Variants in TRPM8 observed in about 807,000 individuals in gnomAD.
TRPM8 encodes TRPM8 cationic channel.
Under a neutral mutation model 133.7 loss-of-function variants are expected in TRPM8, and 110 were observed. The ratio of observed to expected loss-of-function variants is 0.82; its 90% CI spans 0.70 to 0.96. The LOEUF is 0.96. TRPM8 is among the 40% of genes least tolerant of loss of function. TRPM8 has a pLI of 0.00. For synonymous variants in TRPM8, 535 were observed against 532.3 expected (o/e 1.01, Z -0.07); for missense variants, 1,291 against 1,379.5 (o/e 0.94, Z 1.02).
chr2:233,919,016 G>A (rs6741751), intron 1 of TRPM8, among the ~76,000 whole-genome samples: 11,798 of 151,780 alleles, frequency 0.078, 583 homozygotes, highest in Middle Eastern at 0.15. Context: ...GTGTGCAAAG[G>A]AAAACATCTT....
At chr2:233,970,502 A>G in intron 17 of TRPM8, 76 bp downstream of exon 17, 1 of 1,407,614 alleles carries the variant, frequency 7.1e-7, no homozygotes, top group East Asian at 2.3e-5. Flanking sequence ...GAGGAATAGA[A>G]GTTGCTTCTG....
intron 21 of TRPM8, among the ~76,000 whole-genome samples, chr2:233,992,957 C>G (rs1023827661): frequency 3.3e-5 from 5 of 152,146 alleles, no homozygotes; most frequent in Admixed American, 6.5e-5. Context: ...TTTAGGAAAG[C>G]AGGTGGAAGC....
In TRPM8 at chr2:233,961,085, G is replaced by T. The variant is rs559708642; in HGVS notation, c.1653+19G>T. 5.0e-6 allele frequency: 8 copies of T among 1,605,636 alleles called. 1 individual carries two copies. In the South Asian group the frequency reaches 8.9e-5, roughly 18 times the overall value. On this transcript the variant is annotated intron_variant, in intron 12 of 25. Transcript: ENST00000324695. ...ACTCCACGTAGGTACTGGGAGAGTT[G>T]CCTGCTTGAGTTCTCGGATATTTTG... is the stretch of plus-strand genomic sequence containing the variant.
In TRPM8 at chr2:233,953,976, G is replaced by T; in HGVS notation, c.1200G>T (p.Gly400=). The T allele has an allele frequency of 1.2e-6, 2 of 1,613,906 alleles. No homozygotes were observed. Among genetic ancestry groups the T allele is most frequent in the South Asian group, 1.1e-5 (1 of 90,998 alleles). Residue 400 remains glycine, a synonymous_variant, in exon 10 of 26, where the codon GGG becomes GGT. Coordinates refer to ENST00000324695, the MANE Select transcript of TRPM8 (RefSeq NM_024080.5). ...CAGTTATTAAAATGGAAGAAGCTGGGGATGAAATTGTGAGCAATGCCATCT... is the reference window on the plus strand; with the variant it reads ...CAGTTATTAAAATGGAAGAAGCTGGTGATGAAATTGTGAGCAATGCCATCT... ...LLTVIKMEEA[G]DEIVSNAISY...
intron 21 of TRPM8, among the ~76,000 whole-genome samples, chr2:233,991,320 G>A (rs1328876654): frequency 6.6e-6 from 1 of 152,188 alleles, no homozygotes; most frequent in East Asian, 1.9e-4. Context: ...TCCAAAATCA[G>A]TGTGATCCAA....
chr2:233,974,278 G>A (rs933565567), intron 17 of TRPM8, among the ~76,000 whole-genome samples: 1 of 151,944 alleles, frequency 6.6e-6, no homozygotes, highest in Non-Finnish European at 1.5e-5. Context: ...CTGTTGCCCG[G>A]GCTGGAGTGC....
chr2:233,964,650 C>T lies in TRPM8; in HGVS notation c.1772C>T (p.Ala591Val). The change falls in exon 14 of 26, where the codon GCC becomes GTC. Residue 591 changes from alanine to valine, a missense_variant. Physicochemically the swap from Ala to Val is moderately conservative, Grantham distance 64 (BLOSUM62 0). Around this residue, in one of 2 missense-constraint regions of TRPM8, gnomAD observed 963 missense variants for 968.9 expected, o/e 0.99. Coordinates refer to ENST00000324695, the MANE Select transcript of TRPM8 (RefSeq NM_024080.5). ...AAGACCAGGGGCTGCACTCTGGCAG[C>T]CCTGGGAGCCAGCAAGCTTCTGAAG... ...WEQTRGCTLA[A>V]LGASKLLKTL... 11 of 1,609,150 alleles carry T rather than the reference C, an allele frequency of 6.8e-6. No individual in the cohort carries two copies. Among genetic ancestry groups the T allele is most frequent in the Non-Finnish European group, 8.5e-6 (10 of 1,176,602 alleles).
At position 233,945,883 on chromosome 2, in the gene TRPM8, G is replaced by A. The variant is rs764579874; in HGVS notation, c.727G>A (p.Asp243Asn). 5 of 1,613,948 alleles carry A rather than the reference G, an allele frequency of 3.1e-6. No homozygotes were observed. The highest frequency in any genetic ancestry group is 2.2e-5 in the South Asian group (2 of 91,052). Residue 243 changes from aspartate (D) to asparagine (N), a missense_variant, in exon 7 of 26, where the codon GAT becomes AAT. Physicochemically the swap from Asp to Asn is conservative, Grantham distance 23. Around this residue, in one of 2 missense-constraint regions of TRPM8, gnomAD observed 963 missense variants for 968.9 expected, o/e 0.99. Transcript: ENST00000324695. ...EGYFLAQYLMDDFTRDPLYIL... is the reference protein window; with the variant it reads ...EGYFLAQYLMNDFTRDPLYIL... ...CTATTTTTTAGCCCAGTACCTTATGGATGACTTCACAAGAGATCCACTGTA... is the reference window on the plus strand; with the variant it reads ...CTATTTTTTAGCCCAGTACCTTATGAATGACTTCACAAGAGATCCACTGTA...
In TRPM8 at chr2:233,930,885, A is replaced by G. The variant is rs1691667050; in HGVS notation, c.191+144A>G. On this transcript the variant is annotated intron_variant, in intron 3 of 25. Transcript: ENST00000324695. The stretch of plus-strand genomic sequence containing the variant: ...CAGAAACACTGTTTGCGCAGGAAGG[A>G]TCTGGCAAGGAGCTTATAGTTGTTA... 4 of 593,100 alleles carry G rather than the reference A, an allele frequency of 6.7e-6. No individual in the cohort carries two copies. In the East Asian group the frequency reaches 8.3e-5, roughly 12 times the overall value. 36.7% of individuals were successfully genotyped at this position (593,100 alleles called of 1,614,324 possible). A position where few individuals can be genotyped will look rare whatever the true frequency, so the allele number is the denominator to read the frequency against.
At chr2:233,955,285 T>C (rs773600795) in intron 11 of TRPM8, 35 bp downstream of exon 11, 5 of 1,536,632 alleles carry the variant, frequency 3.3e-6, no homozygotes, top group Non-Finnish European at 4.5e-6. Flanking sequence ...ATTCCAGTGT[T>C]GGGTCTGGAC....
At chr2:233,968,680 C>T (rs1024763251) in intron 15 of TRPM8, among the ~76,000 whole-genome samples, 2 of 151,922 alleles carry the variant, frequency 1.3e-5, no homozygotes, top group Admixed American at 6.6e-5. Context: ...CCTGGGTTTC[C>T]CTTTTCCTCT....
At chr2:233,938,126 G>C (rs1690806245) in intron 4 of TRPM8, among the ~76,000 whole-genome samples, 1 of 152,128 alleles carries the variant, frequency 6.6e-6, no homozygotes, top group African/African-American at 2.4e-5. Context: ...CTCTGCCCTG[G>C]AATGGGCCGG....
At chr2:233,923,805 A>G (rs1206662702) in intron 1 of TRPM8, among the ~76,000 whole-genome samples, 1 of 152,136 alleles carries the variant, frequency 6.6e-6, no homozygotes, top group Non-Finnish European at 1.5e-5. Context: ...AACAACAACA[A>G]CAACAACAAA....
At chr2:233,931,171 T>C (rs1435223054) in intron 3 of TRPM8, among the ~76,000 whole-genome samples, 1 of 152,224 alleles carries the variant, frequency 6.6e-6, no homozygotes, top group East Asian at 1.9e-4. Context: ...GTTCATCTGC[T>C]CTAAGTCTCA....
chr2:233,927,860 C>CTTTTTCTTTCTT lies in TRPM8; in HGVS notation c.117+1207_117+1208insTTTTCTTTCTTT. On this transcript the variant is annotated intron_variant, in intron 2 of 25. Coordinates refer to ENST00000324695, the MANE Select transcript of TRPM8 (RefSeq NM_024080.5). ...CCTTCCTTCCTTCCTTCCTTTCTTT[C>CTTTTTCTTTCTT]TCTTTCTTTCTTTCTTTCTTTCTTT... Among the ~76,000 whole-genome samples the CTTTTTCTTTCTT allele has an allele frequency of 8.3e-5, 2 of 24,120 alleles. 1 individual carries two copies. The highest frequency in any genetic ancestry group is 2.9e-3 in the South Asian group (2 of 688). The allele number at this position is 24,120 out of a possible 152,430, so 15.8% of individuals were successfully genotyped here.
intron 2 of TRPM8, among the ~76,000 whole-genome samples, chr2:233,927,779 TTTCTTTC>T (rs1691564803): frequency 2.4e-5 from 1 of 41,354 alleles, no homozygotes; most frequent in Non-Finnish European, 3.7e-5. Context: ...TCTTTCTTTC[TTTCTTTC>T]TTTCTTTTCT....
At chr2:233,966,898 G>A (rs189891441) in intron 15 of TRPM8, 143 bp downstream of exon 15, 1 of 1,062,852 alleles carries the variant, frequency 9.4e-7, no homozygotes, top group African/African-American at 1.6e-5. Flanking sequence ...TGATGATGTG[G>A]GAGATGGCCA....
At chr2:233,963,752 T>C (rs1405694237) in intron 13 of TRPM8, among the ~76,000 whole-genome samples, 1 of 152,248 alleles carries the variant, frequency 6.6e-6, no homozygotes, top group Non-Finnish European at 1.5e-5. Flanking sequence ...GAATTTTCCT[T>C]GTGATTTAGC....
At chr2:233,938,340 C>G (rs796898623) in intron 4 of TRPM8, among the ~76,000 whole-genome samples, 2 of 152,246 alleles carry the variant, frequency 1.3e-5, no homozygotes, top group East Asian at 1.9e-4. Flanking sequence ...CCACTCCCCC[C>G]AGTCTGCTTT....
Sources: allele counts gnomAD v4.1 joint callset (sites outside exome capture counted in the v4.1 genomes callset), GRCh38; gene constraint gnomAD v4.1.1; regional missense constraint gnomAD v4.1.1; transcripts MANE v1.5; gene names NCBI Gene and HGNC (gene_info 2026-07-23, HGNC 2026-07-21).